The following NRXN3 variants were observed in gnomAD, a reference collection of about 807,000 sequenced individuals.
NRXN3 encodes neurexin 3.
Under a neutral mutation model 137.6 loss-of-function variants are expected in NRXN3, and 32 were observed. The ratio of observed to expected loss-of-function variants is 0.23; its 90% confidence interval spans 0.18 to 0.31. The LOEUF is 0.31. Among genes scored for constraint, NRXN3 ranks in the 10% least tolerant of loss-of-function variants. The probability of loss-of-function intolerance (pLI) is 1.00; values close to 1 mark genes in which losing one functional copy is unlikely to be tolerated. For missense variants in NRXN3, 1,574 were observed against 2,062.5 expected (o/e 0.76, Z 4.59); for synonymous variants, 798 against 784.5 (o/e 1.02, Z -0.29).
intron 4 of NRXN3, among the ~76,000 whole-genome samples, chr14:78,640,341 A>T (rs916642219): frequency 6.6e-6 from 1 of 152,212 alleles, no homozygotes; most frequent in Non-Finnish European, 1.5e-5. Context: ...TATCCTTCTC[A>T]GTAAAATTAT....
At chr14:79,591,181 T>C (rs1306104182) in intron 16 of NRXN3, among the ~76,000 whole-genome samples, 1 of 152,230 alleles carries the variant, frequency 6.6e-6, no homozygotes, top group Admixed American at 6.5e-5. Context: ...AAAGTATTTA[T>C]GAAAAATATA....
At chr14:78,676,208 A>G (rs1038780888) in intron 6 of NRXN3, among the ~76,000 whole-genome samples, 6 of 151,992 alleles carry the variant, frequency 3.9e-5, no homozygotes, top group Non-Finnish European at 7.3e-5. Flanking sequence ...CTAAAAATTA[A>G]TAAGTTTAGT....
At chr14:79,216,959 AC>A (rs1036138529) in intron 15 of NRXN3, among the ~76,000 whole-genome samples, 5 of 151,982 alleles carry the variant, frequency 3.3e-5, no homozygotes, top group East Asian at 1.9e-4. Context: ...ACATGGTGAA[AC>A]CCTGTCTCTA....
chr14:78,594,659 C>G (rs2097144778), intron 4 of NRXN3, among the ~76,000 whole-genome samples: 1 of 152,204 alleles, frequency 6.6e-6, no homozygotes, highest in South Asian at 2.1e-4. Context: ...CCATTCCAGT[C>G]CATTTCCTAT....
rs2099302198 is a variant in NRXN3, at chr14:78,926,880, ATATATTTATATATATATATAAT to A, written c.2276-30361_2276-30340del. Among the ~76,000 whole-genome samples the A allele has an allele frequency of 9.7e-5, 2 of 20,716 alleles. 1 individual carries two copies. The allele number at this position is 20,716 out of a possible 152,430, so 13.6% of individuals were successfully genotyped here. ...ATATATAATATATATATAATATATA[ATATATTTATATATATATATAAT>A]ATATATAATATATATATAATATATA... On this transcript the variant is annotated intron_variant, in intron 10 of 20. Transcript: ENST00000335750.
chr14:79,143,005 CTATT>C (rs1280060969), intron 15 of NRXN3, among the ~76,000 whole-genome samples: 21 of 152,294 alleles, frequency 1.4e-4, no homozygotes, highest in African/African-American at 4.8e-4. Flanking sequence ...AAAATATCAT[CTATT>C]TATTTGCCAT....
intron 4 of NRXN3, among the ~76,000 whole-genome samples, chr14:78,553,827 C>T (rs761209840): frequency 1.3e-5 from 2 of 151,256 alleles, no homozygotes; most frequent in African/African-American, 4.9e-5. Context: ...AAATAATCCC[C>T]TGTGTTAGTT....
chr14:78,825,763 A>G (rs2098964872), intron 10 of NRXN3, among the ~76,000 whole-genome samples: 1 of 152,252 alleles, frequency 6.6e-6, no homozygotes, highest in Non-Finnish European at 1.5e-5. Context: ...AGGTGAATGT[A>G]CCCAAGATAA....
chr14:78,525,641 G>A (rs989630202), intron 4 of NRXN3, among the ~76,000 whole-genome samples: 4 of 152,060 alleles, frequency 2.6e-5, no homozygotes, highest in Non-Finnish European at 4.4e-5. Flanking sequence ...CATCCCATTG[G>A]GAATTCAGAT....
chr14:79,526,570 C>T (rs910179068), intron 16 of NRXN3, among the ~76,000 whole-genome samples: 1 of 152,118 alleles, frequency 6.6e-6, no homozygotes, highest in African/African-American at 2.4e-5. Context: ...GAATATTTCC[C>T]ATGGTGAATT....
At chr14:78,979,196 T>C (rs1011253662) in intron 14 of NRXN3, among the ~76,000 whole-genome samples, 1 of 152,138 alleles carries the variant, frequency 6.6e-6, no homozygotes, top group Non-Finnish European at 1.5e-5. Flanking sequence ...CTGGAAATAA[T>C]ATTTCATTAT....
At chr14:79,450,506 G>C (rs2096149749) in intron 15 of NRXN3, among the ~76,000 whole-genome samples, 1 of 152,024 alleles carries the variant, frequency 6.6e-6, no homozygotes, top group East Asian at 1.9e-4. Flanking sequence ...ATTCCACATA[G>C]TTTACATATA....
intron 15 of NRXN3, among the ~76,000 whole-genome samples, chr14:79,012,007 G>A (rs2099572114): frequency 6.6e-6 from 1 of 152,158 alleles, no homozygotes; most frequent in South Asian, 2.1e-4. Flanking sequence ...AATTTTATTT[G>A]TTGACTGTTG....
intron 17 of NRXN3, among the ~76,000 whole-genome samples, chr14:79,668,936 T>C (rs10162411): frequency 0.031 from 4,742 of 152,194 alleles, 236 homozygotes; most frequent in African/African-American, 0.11. Context: ...AGATTTTTTT[T>C]TTGTCCACAT....
chr14:78,445,544 A>G (rs1257794438), intron 4 of NRXN3, among the ~76,000 whole-genome samples: 1 of 152,110 alleles, frequency 6.6e-6, no homozygotes, highest in Non-Finnish European at 1.5e-5. Context: ...GAGTGTGGGC[A>G]TTGTGGTTGC....
chr14:79,506,687 T>A (rs1335795751), intron 16 of NRXN3, among the ~76,000 whole-genome samples: 5 of 152,198 alleles, frequency 3.3e-5, no homozygotes, highest in Non-Finnish European at 7.3e-5. Context: ...TCCTTAGTCT[T>A]TCTGTTTGAC....
At chr14:79,600,374 A>G (rs755880733) in intron 16 of NRXN3, among the ~76,000 whole-genome samples, 5 of 152,194 alleles carry the variant, frequency 3.3e-5, no homozygotes, top group Non-Finnish European at 5.9e-5. Context: ...AGTGTTTTTC[A>G]TCCCTAAAGC....
At chr14:78,633,073 A>C (rs2097535535) in intron 4 of NRXN3, among the ~76,000 whole-genome samples, 1 of 148,982 alleles carries the variant, frequency 6.7e-6, no homozygotes, top group African/African-American at 2.5e-5. Context: ...ATCTCTACTA[A>C]AAATATAAAA....
At chr14:78,454,936 G>T (rs973038078) in intron 4 of NRXN3, among the ~76,000 whole-genome samples, 1 of 152,178 alleles carries the variant, frequency 6.6e-6, no homozygotes, top group African/African-American at 2.4e-5. Context: ...TTTGGATTCT[G>T]CCATAGGCTT....
Sources: gnomAD v4.1 joint callset for allele counts (sites outside exome capture counted in the v4.1 genomes callset) on GRCh38, gnomAD v4.1.1 for gene constraint, MANE v1.5 for transcripts, NCBI Gene and HGNC (gene_info 2026-07-23, HGNC 2026-07-21) for gene names.